C12orf42: variants seen among roughly 807,000 people sequenced by gnomAD.
C12orf42 encodes chromosome 12 open reading frame 42.
Under a neutral mutation model 21.6 loss-of-function variants are expected in C12orf42, and 25 were observed. The observed-to-expected ratio is 1.16, with a 90% CI of 0.84 to 1.62. The LOEUF (loss-of-function observed/expected upper bound fraction) is 1.62. Among genes scored for constraint, C12orf42 ranks in the 40% most tolerant of loss-of-function variants. C12orf42 has a pLI of 0.00. For missense variants in C12orf42, 483 were observed against 459.3 expected (o/e 1.05, Z -0.47); for synonymous variants, 174 against 175.0 (o/e 0.99, Z 0.05).
the C12orf42 span, among the ~76,000 whole-genome samples, chr12:103,537,612 C>T: frequency 2.0e-5 from 3 of 152,260 alleles, no homozygotes; most frequent in South Asian, 4.2e-4. Flanking sequence ...GAAAGGGGAG[C>T]GCTACCATCT....
intron 4 of C12orf42, among the ~76,000 whole-genome samples, chr12:103,321,312 G>A (rs987939649): frequency 6.6e-5 from 10 of 151,038 alleles, no homozygotes; most frequent in Non-Finnish European, 1.0e-4. Flanking sequence ...AAACCACAAT[G>A]AGATACCATC....
In C12orf42 at chr12:103,492,894, G is replaced by A. The variant is rs1024535486; in HGVS notation, c.-22+3008C>T. 5.3e-5 allele frequency among the ~76,000 whole-genome samples: 8 copies of A among 152,134 alleles called. No individual in the cohort carries two copies. In the South Asian group the frequency reaches 8.3e-4, roughly 16 times the overall value. On this transcript the variant is annotated intron_variant, in intron 1 of 5. Transcript: ENST00000548883. ...ACCACCATCTGCCAAGTGTGCTACC[G>A]TCAGTTCCTCCCTTTCCCTCTTCAC...
the C12orf42 span, among the ~76,000 whole-genome samples, chr12:103,117,637 G>A: frequency 6.6e-6 from 1 of 152,180 alleles, no homozygotes; most frequent in East Asian, 1.9e-4. Flanking sequence ...CTGCAGGTGA[G>A]GAAACTGAAA....
At chr12:103,482,554 T>C (rs1183723475) in intron 1 of C12orf42, among the ~76,000 whole-genome samples, 1 of 152,150 alleles carries the variant, frequency 6.6e-6, no homozygotes, top group Non-Finnish European at 1.5e-5. Flanking sequence ...ATGTGGATTT[T>C]TAGTTTCATT....
intron 4 of C12orf42, among the ~76,000 whole-genome samples, chr12:103,293,706 G>A (rs928675989): frequency 6.6e-5 from 10 of 152,012 alleles, no homozygotes; most frequent in Admixed American, 5.2e-4. Flanking sequence ...CATAAATCAC[G>A]TGTTGTTTAA....
intron 4 of C12orf42, among the ~76,000 whole-genome samples, chr12:103,315,077 T>G (rs1338851848): frequency 6.6e-6 from 1 of 152,134 alleles, no homozygotes; most frequent in Non-Finnish European, 1.5e-5. Context: ...ACAACAAACA[T>G]TAAACACAAC....
intron 2 of C12orf42, among the ~76,000 whole-genome samples, chr12:103,451,399 G>C (rs548033891): frequency 2.1e-4 from 29 of 138,892 alleles, no homozygotes; most frequent in Admixed American, 1.8e-3. Flanking sequence ...ATTTTTTGTA[G>C]AGACAGGTCT....
chr12:103,134,418 A>G, the C12orf42 span, among the ~76,000 whole-genome samples: 1 of 152,104 alleles, frequency 6.6e-6, no homozygotes, highest in Non-Finnish European at 1.5e-5. Flanking sequence ...TAGATACCAT[A>G]AAAAGGAACC....
chr12:103,299,039 T>C (rs1222500615), downstream of C12orf42, among the ~76,000 whole-genome samples: 2 of 152,200 alleles, frequency 1.3e-5, no homozygotes, highest in Non-Finnish European at 1.5e-5. Context: ...CTCACCTCAC[T>C]TATGTACCAA....
intron 2 of C12orf42, among the ~76,000 whole-genome samples, chr12:103,435,798 G>C (rs1015395605): frequency 3.9e-5 from 6 of 152,164 alleles, no homozygotes; most frequent in African/African-American, 1.4e-4. Flanking sequence ...AAGTGATGGG[G>C]AGAATGGAAC....
the C12orf42 span, among the ~76,000 whole-genome samples, chr12:103,227,413 TAAG>T: frequency 6.7e-6 from 1 of 148,194 alleles, no homozygotes; most frequent in Non-Finnish European, 1.5e-5. Flanking sequence ...GGTGTGGAAA[TAAG>T]GGATTGGGGC....
intron 3 of C12orf42, among the ~76,000 whole-genome samples, chr12:103,395,467 C>G (rs1288777014): frequency 6.6e-6 from 1 of 151,928 alleles, no homozygotes; most frequent in East Asian, 1.9e-4. Context: ...TCCTGAGTAG[C>G]TGGGACTACA....
intron 2 of C12orf42, chr12:103,441,690 C>T (rs1420720322): frequency 6.6e-6 from 1 of 152,188 alleles, no homozygotes; most frequent in Admixed American, 6.6e-5. Flanking sequence ...TGCAGAACAA[C>T]ATCCTTTCTC....
chr12:103,387,829 T>A (rs2046740439), intron 3 of C12orf42, among the ~76,000 whole-genome samples: 2 of 152,240 alleles, frequency 1.3e-5, no homozygotes, highest in African/African-American at 2.4e-5. Flanking sequence ...GACTGCGCTC[T>A]GCCATCATAC....
chr12:103,302,533 T>C lies in C12orf42; in HGVS notation c.658A>G (p.Ile220Val). 1 of 1,610,552 alleles carries C rather than the reference T, an allele frequency of 6.2e-7. No homozygotes were observed. The highest frequency in any genetic ancestry group is 1.3e-5 in the African/African-American group (1 of 74,876). Reference sequence around the variant, plus strand: ...GTCTGGCTCCTCCTGCAGAGGCCGATGGCAGTGGAAGGTCTGGCGGCAGAA... The same window carrying C: ...GTCTGGCTCCTCCTGCAGAGGCCGACGGCAGTGGAAGGTCTGGCGGCAGAA... The part of the protein sequence containing the change: ...SGSAARPSTA[I>V]GLCRRSQTPG... The change falls in exon 6 of 6, where the codon ATC (isoleucine) becomes GTC (valine). Residue 220 changes from isoleucine to valine, a missense_variant. Transcript: ENST00000548883.
chr12:103,084,976 T>G, the C12orf42 span, among the ~76,000 whole-genome samples: 1 of 152,158 alleles, frequency 6.6e-6, no homozygotes, highest in Non-Finnish European at 1.5e-5. Context: ...GGCCAAATAA[T>G]AAACAAATGC....
At chr12:103,049,964 A>G in the C12orf42 span, among the ~76,000 whole-genome samples, 1 of 152,102 alleles carries the variant, frequency 6.6e-6, no homozygotes, top group African/African-American at 2.4e-5. Flanking sequence ...CTTCCATTGG[A>G]TGCTCCATGT....
chr12:103,130,350 A>G, the C12orf42 span, among the ~76,000 whole-genome samples: 1 of 150,482 alleles, frequency 6.6e-6, no homozygotes, highest in African/African-American at 2.5e-5. Context: ...AAAATTCCAT[A>G]CTAGATGGCT....
intron 4 of C12orf42, among the ~76,000 whole-genome samples, chr12:103,322,919 C>G (rs1200757474): frequency 6.6e-6 from 1 of 152,142 alleles, no homozygotes; most frequent in Admixed American, 6.5e-5. Context: ...AATGACAATG[C>G]CCCAGGTAAC....
Sources: gnomAD v4.1 joint callset for allele counts (sites outside exome capture counted in the v4.1 genomes callset) on GRCh38, gnomAD v4.1.1 for gene constraint, MANE v1.5 for transcripts, NCBI Gene and HGNC (gene_info 2026-07-23, HGNC 2026-07-21) for gene names.